Variants in NTNG1 observed in about 807,000 individuals in gnomAD.
NTNG1 encodes netrin-G1.
In NTNG1, 16 loss-of-function variants were observed where a neutral mutation model predicts 54.0. That is an observed-to-expected ratio of 0.30 (90% CI 0.20 to 0.45). NTNG1 has a LOEUF of 0.45. NTNG1 is among the 20% of genes least tolerant of loss of function. NTNG1 has a pLI of 1.00. For synonymous variants in NTNG1, 255 were observed against 263.1 expected, an observed-to-expected ratio of 0.97 and a Z score of 0.30; for missense variants, 530 against 678.7, an observed-to-expected ratio of 0.78 and a Z score of 2.43.
chr1:107,338,164 TTGAC>T (rs1309554164), intron 3 of NTNG1, among the ~76,000 whole-genome samples: 3 of 151,888 alleles, frequency 2.0e-5, no homozygotes, highest in African/African-American at 7.2e-5. Context: ...AGGGATGTAA[TTGAC>T]TGTTGAAATA....
At chr1:107,404,263 G>A (rs1267265681) in intron 4 of NTNG1, among the ~76,000 whole-genome samples, 3 of 152,028 alleles carry the variant, frequency 2.0e-5, no homozygotes, top group East Asian at 1.9e-4. Context: ...CAGAAGATCC[G>A]AGAAAAAGAA....
chr1:107,243,755 C>G lies in NTNG1; in HGVS notation c.247-80527C>G, dbSNP rs1661997277. On this transcript the variant is annotated intron_variant, in intron 2 of 7. Transcript: ENST00000370068. ...CTAGAGAGAGGGAAAGGAGCTATGTCTCAACAGACTGAGAGTTTTCGTTTT... is the reference window on the plus strand; with the variant it reads ...CTAGAGAGAGGGAAAGGAGCTATGTGTCAACAGACTGAGAGTTTTCGTTTT... Among the ~76,000 whole-genome samples, 2 of 152,020 alleles carry G rather than the reference C, an allele frequency of 1.3e-5. 1 individual carries two copies. Among genetic ancestry groups the G allele is most frequent in the South Asian group, 4.2e-4 (2 of 4,812 alleles).
At chr1:107,244,555 G>GT (rs1662062866) in intron 2 of NTNG1, among the ~76,000 whole-genome samples, 1 of 152,100 alleles carries the variant, frequency 6.6e-6, no homozygotes, top group Non-Finnish European at 1.5e-5. Flanking sequence ...TTTCCACTCT[G>GT]TATTTCTGTT....
chr1:107,480,574 G>GC lies in NTNG1; in HGVS notation c.1391-36dup. The GC allele has an allele frequency of 4.6e-5, 15 of 324,096 alleles. 1 individual carries two copies. The highest frequency in any genetic ancestry group is 1.9e-4 in the South Asian group (5 of 26,358). 20.1% of individuals were successfully genotyped at this position (324,096 alleles called of 1,614,324 possible). A position where few individuals can be genotyped will look rare whatever the true frequency, so the allele number is the denominator to read the frequency against. On this transcript the variant is annotated intron_variant, in intron 7 of 7. Coordinates refer to ENST00000370068, the MANE Select transcript of NTNG1 (RefSeq NM_001113226.3). Reference sequence around the variant, plus strand: ...TCAATTGATTCTGCTTCTCCTCCCCGCGCCCACCCACCCCTACCTTCCCCC... The same window carrying GC: ...TCAATTGATTCTGCTTCTCCTCCCCGCCGCCCACCCACCCCTACCTTCCCCC...
At chr1:107,354,936 G>A (rs1397900761) in intron 3 of NTNG1, among the ~76,000 whole-genome samples, 1 of 152,088 alleles carries the variant, frequency 6.6e-6, no homozygotes. Context: ...AAAAGACAAG[G>A]GAGCAGTGTG....
intron 2 of NTNG1, among the ~76,000 whole-genome samples, chr1:107,231,853 A>G (rs79144128): frequency 0.039 from 5,967 of 152,310 alleles, 159 homozygotes; most frequent in Non-Finnish European, 0.063. Context: ...TGGCTACAAT[A>G]GAAGAAATAG....
At chr1:107,206,374 T>C (rs1423068028) in intron 2 of NTNG1, among the ~76,000 whole-genome samples, 2 of 152,206 alleles carry the variant, frequency 1.3e-5, no homozygotes, top group Admixed American at 1.3e-4. Context: ...TTAATTTTAT[T>C]TTCCCTATGG....
intron 7 of NTNG1, among the ~76,000 whole-genome samples, chr1:107,451,370 C>T (rs2101485040): frequency 1.3e-5 from 2 of 152,098 alleles, no homozygotes; most frequent in East Asian, 3.9e-4. Context: ...TCCTAGTAAA[C>T]TAAAAGGCAC....
chr1:107,251,411 C>CT (rs948063130), intron 2 of NTNG1, among the ~76,000 whole-genome samples: 9 of 151,974 alleles, frequency 5.9e-5, no homozygotes, highest in African/African-American at 9.7e-5. Context: ...GGCTTTTAAA[C>CT]TTTTTTTTAA....
intron 2 of NTNG1, among the ~76,000 whole-genome samples, chr1:107,179,307 T>G (rs922787881): frequency 1.3e-5 from 2 of 152,184 alleles, no homozygotes; most frequent in African/African-American, 4.8e-5. Flanking sequence ...GGGAAATATT[T>G]TATTATCTTT....
intron 3 of NTNG1, among the ~76,000 whole-genome samples, chr1:107,332,635 G>T (rs1668350847): frequency 1.3e-5 from 2 of 152,014 alleles, no homozygotes; most frequent in South Asian, 2.1e-4. Context: ...TAGTGCAAGA[G>T]TTTTTTGAGA....
At chr1:107,244,542 A>AT (rs1304399563) in intron 2 of NTNG1, among the ~76,000 whole-genome samples, 1 of 152,074 alleles carries the variant, frequency 6.6e-6, no homozygotes, top group Non-Finnish European at 1.5e-5. Context: ...CAAGCTTTAA[A>AT]TTTTTCCACT....
At chr1:107,232,146 T>A (rs1661111200) in intron 2 of NTNG1, among the ~76,000 whole-genome samples, 1 of 152,206 alleles carries the variant, frequency 6.6e-6, no homozygotes, top group Admixed American at 6.5e-5. Context: ...CCTTCTTTAT[T>A]TTCTACTTAC....
intron 3 of NTNG1, 147 bp downstream of exon 3, chr1:107,325,069 T>C: frequency 1.3e-6 from 1 of 755,188 alleles, no homozygotes; most frequent in Non-Finnish European, 2.1e-6. Context: ...TCTGAAGGCA[T>C]TCTGAGATCC....
At chr1:107,417,805 C>T (rs889280627) in intron 5 of NTNG1, among the ~76,000 whole-genome samples, 2 of 152,062 alleles carry the variant, frequency 1.3e-5, no homozygotes, top group African/African-American at 4.8e-5. Context: ...AGTTTAAAAA[C>T]ATTAAATCCT....
chr1:107,238,374 G>C (rs1661560569), intron 2 of NTNG1, among the ~76,000 whole-genome samples: 1 of 152,158 alleles, frequency 6.6e-6, no homozygotes, highest in African/African-American at 2.4e-5. Flanking sequence ...TACTTGCCTT[G>C]TCTTGGATGA....
rs72699355 is a variant in NTNG1 at position 107,285,089 on chromosome 1, G to A, written c.247-39193G>A. 5.5e-3 allele frequency among the ~76,000 whole-genome samples: 839 copies of A among 152,060 alleles called. 7 individuals are homozygous for A. The highest frequency in any genetic ancestry group is 8.4e-3 in the Non-Finnish European group (571 of 67,948). On this transcript the variant is annotated intron_variant, in intron 2 of 7. Coordinates refer to ENST00000370068, the MANE Select transcript of NTNG1 (RefSeq NM_001113226.3). ...AATTACTAATTTTTCCCCAAAATTGGGTTATTCTACTTGATGCTGTAGGAA... is the reference window on the plus strand; with the variant it reads ...AATTACTAATTTTTCCCCAAAATTGAGTTATTCTACTTGATGCTGTAGGAA...
At chr1:107,454,395 A>T (rs567118591) in intron 7 of NTNG1, among the ~76,000 whole-genome samples, 1 of 152,208 alleles carries the variant, frequency 6.6e-6, no homozygotes, top group Non-Finnish European at 1.5e-5. Flanking sequence ...GTTTACTTGC[A>T]TGCAGAGGAG....
At chr1:107,461,809 G>A (rs1169118118) in intron 7 of NTNG1, among the ~76,000 whole-genome samples, 4 of 152,112 alleles carry the variant, frequency 2.6e-5, no homozygotes, top group African/African-American at 7.2e-5. Flanking sequence ...TGGGATTACA[G>A]GTGTGAGCCA....
Sources: gnomAD v4.1 joint callset for allele counts (sites outside exome capture counted in the v4.1 genomes callset) on GRCh38, gnomAD v4.1.1 for gene constraint, MANE v1.5 for transcripts, NCBI Gene and HGNC (gene_info 2026-07-23, HGNC 2026-07-21) for gene names.